ZNF169: variants seen among roughly 807,000 people sequenced by gnomAD.
ZNF169 encodes zinc finger protein 169.
A neutral mutation model predicts 12.0 loss-of-function variants in ZNF169; 11 were observed. That is an observed-to-expected ratio of 0.92 (90% CI 0.58 to 1.52). The LOEUF is 1.52. Ranked by LOEUF, ZNF169 falls within the 40% of genes most tolerant of loss-of-function variation. The pLI, the probability that ZNF169 is intolerant of heterozygous loss-of-function variation, is 0.00. For synonymous variants in ZNF169, 302 were observed against 286.5 expected (o/e 1.05, Z -0.55); for missense variants, 722 against 744.0 (o/e 0.97, Z 0.34).
At chr9:94,293,376 C>T (rs1830888356) in intron 4 of ZNF169, 2 of 607,276 alleles carry the variant, frequency 3.3e-6, no homozygotes, top group Non-Finnish European at 5.7e-6. Flanking sequence ...CAAAACAGTA[C>T]CTGTCCTTTG....
In ZNF169 at chr9:94,288,565, C is replaced by T. The variant is rs563909658; in HGVS notation, c.34-3776C>T. On this transcript the variant is annotated intron_variant, in intron 2 of 4. Transcript: ENST00000395395. Reference sequence around the variant, plus strand: ...AGCACAGCCATCTTCTCAGAGGTGGCGGCAACAGGCTCAGAGGCAGCTATG... The same window carrying T: ...AGCACAGCCATCTTCTCAGAGGTGGTGGCAACAGGCTCAGAGGCAGCTATG... 110 of 467,060 alleles carry T rather than the reference C, an allele frequency of 2.4e-4. 1 individual carries two copies. Among genetic ancestry groups the T allele is most frequent in the South Asian group, 1.6e-3 (85 of 54,352 alleles). The allele number at this position is 467,060 out of a possible 1,614,324, so 28.9% of individuals were successfully genotyped here.
At chr9:94,299,058 T>A (rs1272185121) in intron 4 of ZNF169, among the ~76,000 whole-genome samples, 11 of 152,222 alleles carry the variant, frequency 7.2e-5, no homozygotes, top group Admixed American at 2.6e-4. Context: ...CAGATTTTTT[T>A]AAAAATCCTG....
chr9:94,283,266 G>A (rs1049886404), intron 2 of ZNF169, among the ~76,000 whole-genome samples: 36 of 152,164 alleles, frequency 2.4e-4, no homozygotes, highest in African/African-American at 8.7e-4. Context: ...AAAATTAGCT[G>A]GGCATGTGGC....
intron 2 of ZNF169, among the ~76,000 whole-genome samples, chr9:94,282,199 A>G (rs545645492): frequency 1.3e-5 from 2 of 152,278 alleles, no homozygotes; most frequent in Non-Finnish European, 2.9e-5. Context: ...CCATCTGATG[A>G]GAATTTATGG....
chr9:94,285,413 C>T (rs1166999516), intron 2 of ZNF169, among the ~76,000 whole-genome samples: 1 of 151,860 alleles, frequency 6.6e-6, no homozygotes, highest in Non-Finnish European at 1.5e-5. Flanking sequence ...GGGAGTACAA[C>T]AAAAGATATA....
chr9:94,280,027 T>G (rs896742754), intron 2 of ZNF169, among the ~76,000 whole-genome samples: 1 of 152,258 alleles, frequency 6.6e-6, no homozygotes, highest in Non-Finnish European at 1.5e-5. Flanking sequence ...GTATTGATTT[T>G]ATCAATTACA....
chr9:94,278,946 C>A, intron 2 of ZNF169, 101 bp downstream of exon 2: 1 of 1,194,438 alleles, frequency 8.4e-7, no homozygotes, highest in South Asian at 1.4e-5. Context: ...CTATCTTGAT[C>A]TTGTAGGCGT....
intron 2 of ZNF169, among the ~76,000 whole-genome samples, chr9:94,288,944 A>G (rs1363225800): frequency 2.0e-5 from 3 of 152,216 alleles, no homozygotes; most frequent in East Asian, 3.8e-4. Context: ...AGGCATTGCT[A>G]TTCTTCATGA....
chr9:94,275,774 T>G (rs1346001718), intron 1 of ZNF169, among the ~76,000 whole-genome samples: 1 of 150,300 alleles, frequency 6.7e-6, no homozygotes, highest in East Asian at 1.9e-4. Context: ...AGCTGTAGGC[T>G]CTGCACTATC....
intron 4 of ZNF169, chr9:94,299,395 G>A (rs1196127037): frequency 1.8e-6 from 1 of 557,086 alleles, no homozygotes; most frequent in Non-Finnish European, 2.7e-6. Context: ...CAGATGCTAA[G>A]ATCTTATTTA....
chr9:94,268,426 T>A, intron 1 of ZNF169, among the ~76,000 whole-genome samples: 1 of 152,100 alleles, frequency 6.6e-6, no homozygotes, highest in African/African-American at 2.4e-5. Flanking sequence ...CAAACATGAT[T>A]TCATATTTAA....
intron 2 of ZNF169, 32 bp from the exon 3 acceptor site, chr9:94,292,309 G>T (rs768109829): frequency 6.2e-7 from 1 of 1,613,800 alleles, no homozygotes; most frequent in South Asian, 1.1e-5. Flanking sequence ...ATGGCTGGCT[G>T]TTGAGTGAGC....
At chr9:94,267,089 T>A (rs2118549866) in intron 1 of ZNF169, among the ~76,000 whole-genome samples, 1 of 152,192 alleles carries the variant, frequency 6.6e-6, no homozygotes, top group Middle Eastern at 3.4e-3. Flanking sequence ...GTAGGCTTTT[T>A]AAATTGGCTT....
Position 94,284,361 on chromosome 9 carries a change from G to T in ZNF169, c.33+5516G>T, listed in dbSNP as rs576196196. 3.4e-4 allele frequency among the ~76,000 whole-genome samples: 51 copies of T among 152,210 alleles called. No homozygotes were observed. The South Asian group carries it at 4.1e-3, about 12-fold the overall frequency. ...AATCGCTTGAACCTGGGAAGCTCAG[G>T]TTGCAGTGAGATGAGATCGTGCCAC... On this transcript the variant is annotated intron_variant, in intron 2 of 4. Coordinates refer to ENST00000395395, the MANE Select transcript of ZNF169 (RefSeq NM_194320.4).
At chr9:94,284,179 C>T (rs1830685023) in intron 2 of ZNF169, among the ~76,000 whole-genome samples, 3 of 151,736 alleles carry the variant, frequency 2.0e-5, no homozygotes, top group South Asian at 2.1e-4. Flanking sequence ...AACCCCAGCA[C>T]TTTGGGAGGC....
intron 2 of ZNF169, among the ~76,000 whole-genome samples, chr9:94,290,107 G>A (rs1437782078): frequency 1.3e-5 from 2 of 152,024 alleles, no homozygotes; most frequent in South Asian, 2.1e-4. Flanking sequence ...ATATCGATAG[G>A]CTAAAGAAGA....
chr9:94,295,505 G>A (rs868320498), intron 4 of ZNF169: 8 of 152,136 alleles, frequency 5.3e-5, no homozygotes, highest in African/African-American at 1.9e-4. Context: ...TAACAAGCAT[G>A]TCTGTCATCC....
intron 1 of ZNF169, among the ~76,000 whole-genome samples, chr9:94,275,280 AT>A (rs1830499725): frequency 6.6e-6 from 1 of 152,154 alleles, no homozygotes; most frequent in African/African-American, 2.4e-5. Flanking sequence ...CTGAATGTGT[AT>A]TGCTTTCATA....
intron 2 of ZNF169, among the ~76,000 whole-genome samples, chr9:94,280,582 T>C (rs1283228273): frequency 6.6e-6 from 1 of 152,218 alleles, no homozygotes; most frequent in Non-Finnish European, 1.5e-5. Context: ...AATTTAATTT[T>C]CTCAGCAAGG....
Sources: allele counts gnomAD v4.1 joint callset (sites outside exome capture counted in the v4.1 genomes callset), GRCh38; gene constraint gnomAD v4.1.1; transcripts MANE v1.5; gene names NCBI Gene and HGNC (gene_info 2026-07-23, HGNC 2026-07-21).